The following DNAH3 variants were observed in gnomAD, a reference collection of about 807,000 sequenced individuals.
The protein encoded by DNAH3 is axonemal beta dynein heavy chain 3.
Under a neutral mutation model 432.5 loss-of-function variants are expected in DNAH3, and 332 were observed. The observed-to-expected ratio is 0.77, with a 90% CI of 0.70 to 0.84. The LOEUF is 0.84. DNAH3 is among the 40% of genes least tolerant of loss of function. The pLI is 0.00. For synonymous variants in DNAH3, 1,956 were observed against 1,900.2 expected (o/e 1.03, Z -0.76); for missense variants, 4,861 against 5,114.0 (o/e 0.95, Z 1.51).
At chr16:20,934,216 C>A (rs1226633317) in intron 61 of DNAH3, among the ~76,000 whole-genome samples, 2 of 152,102 alleles carry the variant, frequency 1.3e-5, no homozygotes, top group Non-Finnish European at 2.9e-5. Context: ...GGAATTTTTT[C>A]CCATTTCTAA....
intron 20 of DNAH3, among the ~76,000 whole-genome samples, chr16:21,079,549 G>C (rs1460001065): frequency 2.0e-5 from 3 of 150,894 alleles, no homozygotes; most frequent in African/African-American, 7.3e-5. Context: ...CTTGAACCCA[G>C]GAGGCGGAGG....
intron 18 of DNAH3, among the ~76,000 whole-genome samples, chr16:21,091,144 C>T (rs190061142): frequency 6.6e-6 from 1 of 151,768 alleles, no homozygotes; most frequent in Non-Finnish European, 1.5e-5. Context: ...CAGAGCGAGA[C>T]CCCATCTCAA....
chr16:20,988,149 G>T, intron 44 of DNAH3, 84 bp from the exon 45 acceptor site: 1 of 1,560,334 alleles, frequency 6.4e-7, no homozygotes. Context: ...ACACGAGGTG[G>T]CTTTGCCTTC....
At chr16:20,964,443 G>A in exon 53 of DNAH3, 1 of 1,614,166 alleles carries the variant, frequency 6.2e-7, no homozygotes, top group African/African-American at 1.3e-5. Flanking sequence ...CTTGCTGTTT[G>A]AATGTTGCCT....
chr16:21,137,972 G>C (rs1191350313), intron 5 of DNAH3, among the ~76,000 whole-genome samples: 1 of 152,084 alleles, frequency 6.6e-6, no homozygotes, highest in African/African-American at 2.4e-5. Context: ...TGCTGGCCAG[G>C]CACGGTGGCT....
exon 53 of DNAH3, chr16:20,963,558 G>T: frequency 1.9e-6 from 3 of 1,613,984 alleles, no homozygotes; most frequent in Non-Finnish European, 2.5e-6. Flanking sequence ...ATTCACCCAG[G>T]TTCTGTTCCA....
At chr16:20,970,756 G>T (rs751321512) in intron 51 of DNAH3, among the ~76,000 whole-genome samples, 1 of 151,990 alleles carries the variant, frequency 6.6e-6, no homozygotes, top group Non-Finnish European at 1.5e-5. Flanking sequence ...GGAAAGAATT[G>T]ACCAATGTAA....
In DNAH3 at chr16:20,987,598, G is replaced by A. The variant is rs114060879; in HGVS notation, c.6882+95C>T. ...GCACAATGCCTAGCATAGACTAAGT[G>A]CCTAATAAAAGTTAGCTATTACTGC... On this transcript the variant is annotated intron_variant, in intron 46 of 61. Transcript: ENST00000261383. 1,706 of 1,542,124 alleles carry A rather than the reference G, an allele frequency of 1.1e-3. 19 individuals are homozygous for A. In the African/African-American group the frequency reaches 0.021, roughly 19 times the overall value.
Position 20,933,226 on chromosome 16 carries a change from C to G in DNAH3, c.12279G>C (p.Glu4093Asp), listed in dbSNP as rs141874328. The change falls in exon 62 of 62, where the codon GAG becomes GAC. Residue 4093 changes from glutamate (E) to aspartate (D), a missense_variant. Transcript: ENST00000261383. ...GCTTCTGGGGCATGTCTGTTGGAAG[C>G]TCAATGGAGAGGACATAGTTGGTAG... 18 of 1,614,152 alleles carry G rather than the reference C, an allele frequency of 1.1e-5. No individual in the cohort carries two copies. The African/African-American group carries it at 2.1e-4, about 19-fold the overall frequency.
chr16:21,093,169 C>A (rs1183577858), intron 18 of DNAH3, among the ~76,000 whole-genome samples: 1 of 152,184 alleles, frequency 6.6e-6, no homozygotes, highest in Non-Finnish European at 1.5e-5. Flanking sequence ...CAGGAAATGT[C>A]ATTTATATTG....
At chr16:21,129,315 C>T (rs1049094872) in intron 7 of DNAH3, 1 of 152,754 alleles carries the variant, frequency 6.5e-6, no homozygotes, top group Non-Finnish European at 1.5e-5. Context: ...TGACTCTTCA[C>T]CTTCCAGCCT....
At chr16:21,147,785 A>G (rs1344088097) in intron 1 of DNAH3, among the ~76,000 whole-genome samples, 1 of 152,246 alleles carries the variant, frequency 6.6e-6, no homozygotes. Flanking sequence ...AGCAGAGAAG[A>G]AAGTGACTAC....
At chr16:21,117,120 G>T in intron 12 of DNAH3, 83 bp downstream of exon 12, 1 of 893,494 alleles carries the variant, frequency 1.1e-6, no homozygotes, top group Non-Finnish European at 1.8e-6. Flanking sequence ...TTTGGGAACA[G>T]GAATACCTTA....
At chr16:20,985,230 G>A (rs2086131405) in exon 48 of DNAH3, 3 of 1,614,182 alleles carry the variant, frequency 1.9e-6, no homozygotes, top group Admixed American at 3.3e-5. Flanking sequence ...GCATGTTGAT[G>A]TCCTCCACGA....
rs145517036 is a variant in DNAH3, at chr16:21,039,899, G to A, written c.4683C>T (p.Leu1561=). ...TGGAGTAGAGGGAGATTTCTCCAAT[G>A]AGGGCGTAATCTGGGACCATCATGG... Residue 1561 remains leucine (L), a synonymous_variant, in exon 33 of 62, where the codon CTC becomes CTT. Transcript: ENST00000261383. The A allele has an allele frequency of 6.8e-6, 11 of 1,613,844 alleles. 1 individual carries two copies. In the African/African-American group the frequency reaches 1.1e-4, roughly 16 times the overall value.
At chr16:21,067,419 C>A (rs202131245) in exon 24 of DNAH3, 7 of 1,613,432 alleles carry the variant, frequency 4.3e-6, no homozygotes, top group Non-Finnish European at 4.2e-6. Context: ...TTATCTTTCA[C>A]CTGGGTTCCA....
chr16:20,935,541 A>G, intron 60 of DNAH3, 56 bp from the exon 61 acceptor site: 3 of 1,568,016 alleles, frequency 1.9e-6, no homozygotes, highest in Non-Finnish European at 2.6e-6. Flanking sequence ...AGATAGTTCA[A>G]ATGCAAGTAA....
chr16:21,054,550 GA>G lies in DNAH3; in HGVS notation c.3925-17del. 1 of 1,592,232 alleles carries G rather than the reference GA, an allele frequency of 6.3e-7. No individual in the cohort carries two copies. Among genetic ancestry groups the G allele is most frequent in the Non-Finnish European group, 8.6e-7 (1 of 1,160,684 alleles). Reference sequence around the variant, plus strand: ...TCAGAAAATCCTGGAAGGGGCAGAGGAGGGGACAACTGGTTACATTTGACTC... The same window carrying G: ...TCAGAAAATCCTGGAAGGGGCAGAGGGGGGACAACTGGTTACATTTGACTC... On this transcript the variant is annotated splice_polypyrimidine_tract_variant and intron_variant, in intron 27 of 61. Transcript: ENST00000261383.
chr16:21,064,347 G>A (rs1379882707), intron 24 of DNAH3, among the ~76,000 whole-genome samples: 2 of 152,202 alleles, frequency 1.3e-5, no homozygotes, highest in Non-Finnish European at 2.9e-5. Context: ...ATGGCTGACT[G>A]CAGTCATGAG....
Sources: gnomAD v4.1 joint callset for allele counts (sites outside exome capture counted in the v4.1 genomes callset) on GRCh38, gnomAD v4.1.1 for gene constraint, MANE v1.5 for transcripts, NCBI Gene and HGNC (gene_info 2026-07-23, HGNC 2026-07-21) for gene names.